The following TGFBI variants were observed in gnomAD, a reference collection of about 807,000 sequenced individuals.
The protein encoded by TGFBI is transforming growth factor beta induced, also known as transforming growth factor-beta-induced protein ig-h3.
TGFBI carries 50 observed loss-of-function variants against 73.7 expected under a neutral mutation model. The ratio of observed to expected loss-of-function variants is 0.68; its 90% CI spans 0.54 to 0.86. The LOEUF (loss-of-function observed/expected upper bound fraction) is 0.86, where lower values mean the gene tolerates loss of function less well. Ranked by LOEUF, TGFBI falls within the 40% of genes least tolerant of loss-of-function variation. The pLI is 0.00. For synonymous variants in TGFBI, 362 were observed against 360.5 expected (o/e 1.00, Z -0.05); for missense variants, 839 against 877.0 (o/e 0.96, Z 0.55).
At chr5:136,039,398 G>A (rs887224487) in intron 2 of TGFBI, among the ~76,000 whole-genome samples, 16 of 152,184 alleles carry the variant, frequency 1.1e-4, no homozygotes, top group East Asian at 1.9e-4. Context: ...TAGTGTCAGC[G>A]ACTTAGGAGG....
rs1303005319 is a variant in TGFBI, at chr5:136,038,210, A to G, written c.233+4349A>G. ...GACAAGGAATTTTATTCTGTTGGGT[A>G]TTTACATGAACCTATGTGCCACCTG... On this transcript the variant is annotated intron_variant, in intron 2 of 16. Coordinates refer to ENST00000442011, the MANE Select transcript of TGFBI (RefSeq NM_000358.3). Among the ~76,000 whole-genome samples the G allele has an allele frequency of 2.0e-5, 3 of 152,294 alleles. No homozygotes were observed. The East Asian group carries it at 5.8e-4, about 29-fold the overall frequency.
intron 12 of TGFBI, 21 bp from the exon 13 acceptor site, chr5:136,059,069 T>A: frequency 6.2e-7 from 1 of 1,606,892 alleles, no homozygotes; most frequent in African/African-American, 1.3e-5. Context: ...TAACTCTATC[T>A]CCTTTTCCCG....
intron 2 of TGFBI, among the ~76,000 whole-genome samples, chr5:136,043,120 C>G (rs985118652): frequency 1.3e-5 from 2 of 152,202 alleles, no homozygotes; most frequent in Non-Finnish European, 2.9e-5. Flanking sequence ...GCATTTGGTT[C>G]CAGGCCTGTT....
At position 136,051,247 on chromosome 5, in the gene TGFBI, T is replaced by C. The variant is rs1001292629; in HGVS notation, c.914-1660T>C. ...GAGTTCAAGACCAGCCTGGCCAACA[T>C]GGTAAAACCCCGTCTCTACTAAAAA... On this transcript the variant is annotated intron_variant, in intron 7 of 16. Coordinates refer to ENST00000442011, the MANE Select transcript of TGFBI (RefSeq NM_000358.3). Among the ~76,000 whole-genome samples the C allele has an allele frequency of 2.0e-5, 3 of 152,064 alleles. No homozygotes were observed. In the East Asian group the frequency reaches 5.8e-4, roughly 29 times the overall value.
intron 5 of TGFBI, 52 bp from the exon 6 acceptor site, chr5:136,047,222 G>A (rs1336885144): frequency 1.2e-6 from 2 of 1,603,424 alleles, no homozygotes; most frequent in East Asian, 2.2e-5. Flanking sequence ...CGGGGCTTTG[G>A]GACTATGCCT....
At chr5:136,029,709 A>G (rs1751080710) in intron 1 of TGFBI, among the ~76,000 whole-genome samples, 1 of 152,088 alleles carries the variant, frequency 6.6e-6, no homozygotes, top group Non-Finnish European at 1.5e-5. Context: ...CACTGCTGGC[A>G]CCCGACACTG....
At chr5:136,033,530 T>G (rs983395532) in intron 1 of TGFBI, among the ~76,000 whole-genome samples, 1 of 152,172 alleles carries the variant, frequency 6.6e-6, no homozygotes, top group Non-Finnish European at 1.5e-5. Context: ...TACATCAGTA[T>G]GTAAGAGAGA....
intron 7 of TGFBI, among the ~76,000 whole-genome samples, chr5:136,051,433 A>T (rs1261832474): frequency 6.6e-6 from 1 of 152,110 alleles, no homozygotes; most frequent in Non-Finnish European, 1.5e-5. Flanking sequence ...CTCTCAAAAG[A>T]AAAAAACAAA....
chr5:136,044,146 C>T, intron 3 of TGFBI, 24 bp downstream of exon 3: 1 of 1,604,350 alleles, frequency 6.2e-7, no homozygotes, highest in Middle Eastern at 1.7e-4. Context: ...CCGGGCCTTG[C>T]CTGTTGGTGT....
intron 2 of TGFBI, 22 bp from the exon 3 acceptor site, chr5:136,044,036 A>G: frequency 6.2e-7 from 1 of 1,609,916 alleles, no homozygotes; most frequent in Non-Finnish European, 8.5e-7. Flanking sequence ...GCCTAACACA[A>G]TGTATGGTTG....
chr5:136,062,592 A>G, intron 15 of TGFBI, 71 bp from the exon 16 acceptor site: 1 of 1,492,400 alleles, frequency 6.7e-7, no homozygotes, highest in South Asian at 1.2e-5. Context: ...GGCAATGGGC[A>G]AAGCCATTGT....
chr5:136,041,472 G>C (rs182693600), intron 2 of TGFBI, among the ~76,000 whole-genome samples: 1 of 152,182 alleles, frequency 6.6e-6, no homozygotes, highest in Non-Finnish European at 1.5e-5. Flanking sequence ...GACACCCCCT[G>C]TGTCTTCTAG....
intron 2 of TGFBI, among the ~76,000 whole-genome samples, chr5:136,040,764 A>G (rs780017045): frequency 6.6e-6 from 1 of 152,226 alleles, no homozygotes; most frequent in African/African-American, 2.4e-5. Flanking sequence ...TTTTCTATGC[A>G]GGGAAGCCTA....
intron 1 of TGFBI, among the ~76,000 whole-genome samples, chr5:136,031,737 C>A (rs1299361799): frequency 3.9e-5 from 6 of 152,240 alleles, no homozygotes; most frequent in African/African-American, 1.4e-4. Context: ...GTTTTCAAAT[C>A]TAAGCTGAAC....
rs542722850 is a variant in TGFBI, at chr5:136,060,973, C to A, written c.1906+37C>A. 30 of 1,460,134 alleles carry A rather than the reference C, an allele frequency of 2.1e-5. No individual in the cohort carries two copies. In the African/African-American group the frequency reaches 3.8e-4, roughly 18 times the overall value. The allele number at this position is 1,460,134 out of a possible 1,614,324, so 90.4% of individuals were successfully genotyped here. A position where few individuals can be genotyped will look rare whatever the true frequency, so the allele number is the denominator to read the frequency against. On this transcript the variant is annotated intron_variant, in intron 14 of 16. Coordinates refer to ENST00000442011, the MANE Select transcript of TGFBI (RefSeq NM_000358.3). ...ATCCCCACTGACTCTGCAGCCAGTC[C>A]TTTTCTTCATGTGGCAGTTGGTGGA...
intron 8 of TGFBI, among the ~76,000 whole-genome samples, chr5:136,053,555 G>C (rs957532742): frequency 3.3e-5 from 5 of 152,242 alleles, no homozygotes; most frequent in Non-Finnish European, 7.3e-5. Context: ...AGTGAGATCT[G>C]TCCATGAGTG....
chr5:136,046,959 A>AC lies in TGFBI; in HGVS notation c.571dup (p.Leu191ProfsTer17). On this transcript the variant is annotated frameshift_variant, in exon 5 of 17. Coordinates refer to ENST00000442011, the MANE Select transcript of TGFBI (RefSeq NM_000358.3). LOFTEE classifies it high-confidence loss of function. The stretch of plus-strand genomic sequence containing the variant: ...GACTGATGAGCTGAAACACGGCATG[A>AC]CCCTCACCTCTATGTACCAGAATTC... The AC allele has an allele frequency of 6.2e-7, 1 of 1,613,458 alleles. No individual in the cohort carries two copies. Among genetic ancestry groups the AC allele is most frequent in the Non-Finnish European group, 8.5e-7 (1 of 1,179,820 alleles).
In TGFBI at chr5:136,060,946, G is replaced by T. The variant is rs185225485; in HGVS notation, c.1906+10G>T. 3.9e-6 allele frequency: 6 copies of T among 1,545,754 alleles called. No homozygotes were observed. Among genetic ancestry groups the T allele is most frequent in the South Asian group, 1.3e-5 (1 of 79,466 alleles). On this transcript the variant is annotated intron_variant, in intron 14 of 16. Transcript: ENST00000442011. ...GTTCTGCAGCCTCCAGGTAAGTGTC[G>T]CATCCCCACTGACTCTGCAGCCAGT... is the stretch of plus-strand genomic sequence containing the variant.
chr5:136,035,801 A>G (rs1161064218), intron 2 of TGFBI, among the ~76,000 whole-genome samples: 4 of 152,218 alleles, frequency 2.6e-5, no homozygotes, highest in Middle Eastern at 6.8e-3. Flanking sequence ...CAACTCTTCT[A>G]TATCTCAAGA....
Sources: gnomAD v4.1 joint callset for allele counts (sites outside exome capture counted in the v4.1 genomes callset) on GRCh38, gnomAD v4.1.1 for gene constraint, MANE v1.5 for transcripts, NCBI Gene and HGNC (gene_info 2026-07-23, HGNC 2026-07-21) for gene names.